ADA2: variants seen among roughly 807,000 people sequenced by gnomAD.
The protein encoded by ADA2 is adenosine deaminase 2, also known as adenosine deaminase CECR1.
In ADA2, 29 loss-of-function variants were observed where a neutral mutation model predicts 44.2. The observed-to-expected ratio is 0.66, with a 90% CI of 0.49 to 0.89. The LOEUF (loss-of-function observed/expected upper bound fraction) is 0.89, where lower values mean the gene tolerates loss of function less well. Ranked by LOEUF, ADA2 falls within the 40% of genes least tolerant of loss-of-function variation. ADA2 has a pLI of 0.00. For synonymous variants in ADA2, 215 were observed against 234.9 expected (o/e 0.92, Z 0.77); for missense variants, 637 against 644.8 (o/e 0.99, Z 0.13).
chr22:17,208,827 A>T (rs1323547840), intron 2 of ADA2, among the ~76,000 whole-genome samples: 2 of 134,136 alleles, frequency 1.5e-5, no homozygotes, highest in African/African-American at 5.6e-5. Flanking sequence ...TTAATAAAAA[A>T]AAAAATTAAC....
intron 1 of ADA2, among the ~76,000 whole-genome samples, chr22:17,211,945 A>T (rs1248702838): frequency 6.9e-6 from 1 of 144,158 alleles, no homozygotes; most frequent in Non-Finnish European, 1.6e-5. Context: ...AGGAAAAAAA[A>T]ATTAATTAAT....
At chr22:17,194,250 G>T (rs1316138171) in intron 4 of ADA2, among the ~76,000 whole-genome samples, 2 of 152,064 alleles carry the variant, frequency 1.3e-5, no homozygotes, top group African/African-American at 2.4e-5. Flanking sequence ...AGGGAGAAAT[G>T]CCCTTCCTCC....
Position 17,181,097 on chromosome 22 carries a change from C to A in ADA2, c.*386G>T. The A allele has an allele frequency of 6.0e-6, 1 of 165,788 alleles. No individual in the cohort carries two copies. The highest frequency in any genetic ancestry group is 1.3e-5 in the Non-Finnish European group (1 of 77,408). 10.3% of individuals were successfully genotyped at this position (165,788 alleles called of 1,614,324 possible). On this transcript the variant is annotated 3_prime_UTR_variant, in exon 10 of 10. Coordinates refer to ENST00000399837, the MANE Select transcript of ADA2 (RefSeq NM_001282225.2). ...AGGTTGCACTGAGCTGAGATCGCAC[C>A]ATTGTACTCCAGCCTGGGCAACAAG... is the stretch of plus-strand genomic sequence containing the variant.
In ADA2 at chr22:17,207,037, G is replaced by T. The variant is rs371074570; in HGVS notation, c.542+34C>A. ...CCTACCCACTGCCACCCCATGACAG[G>T]CCTGGGACATGTGCTTTCTGAACTA... On this transcript the variant is annotated intron_variant, in intron 3 of 9. Coordinates refer to ENST00000399837, the MANE Select transcript of ADA2 (RefSeq NM_001282225.2). 104 of 1,535,422 alleles carry T rather than the reference G, an allele frequency of 6.8e-5. 1 individual carries two copies. The Middle Eastern group carries it at 1.9e-3, about 27-fold the overall frequency.
At chr22:17,218,022 G>A (rs143308127) in intron 1 of ADA2, among the ~76,000 whole-genome samples, 1 of 152,176 alleles carries the variant, frequency 6.6e-6, no homozygotes, top group Non-Finnish European at 1.5e-5. Context: ...AAGGTAACTT[G>A]GACAAGATCA....
intron 1 of ADA2, among the ~76,000 whole-genome samples, chr22:17,210,307 C>CA (rs1330582750): frequency 1.3e-5 from 2 of 151,712 alleles, no homozygotes; most frequent in East Asian, 3.9e-4. Context: ...TCTCCTGCCT[C>CA]AGCCTCCCAA....
intron 4 of ADA2, chr22:17,198,674 A>T (rs1439059864): frequency 1.3e-5 from 2 of 152,148 alleles, no homozygotes; most frequent in Non-Finnish European, 2.9e-5. Context: ...TGTCTCCCAT[A>T]AGCTCTCCCC....
In ADA2 at chr22:17,188,463, G is replaced by T; in HGVS notation, c.973-16C>A. On this transcript the variant is annotated splice_polypyrimidine_tract_variant and intron_variant, in intron 6 of 9. Coordinates refer to ENST00000399837, the MANE Select transcript of ADA2 (RefSeq NM_001282225.2). ...CATGCCCCACCTGCAGGACAGAGAGGGACAGGGAGGTGTCTGCAGGGCGCA... is the reference window on the plus strand; with the variant it reads ...CATGCCCCACCTGCAGGACAGAGAGTGACAGGGAGGTGTCTGCAGGGCGCA... 6.3e-7 allele frequency: 1 copy of T among 1,574,998 alleles called. No individual in the cohort carries two copies.
intron 7 of ADA2, among the ~76,000 whole-genome samples, chr22:17,182,966 T>C (rs371462427): frequency 1.3e-5 from 2 of 152,342 alleles, no homozygotes; most frequent in South Asian, 2.1e-4. Flanking sequence ...TATGGCTTTA[T>C]TAAATTAATC....
At chr22:17,193,031 C>G in intron 4 of ADA2, 1 of 684,846 alleles carries the variant, frequency 1.5e-6, no homozygotes, top group South Asian at 1.5e-5. Context: ...GTATTCACAA[C>G]GGGGTTCATA....
Position 17,181,853 on chromosome 22 carries a change from C to G in ADA2, c.1409G>C (p.Arg470Thr). 2 of 1,613,982 alleles carry G rather than the reference C, an allele frequency of 1.2e-6. No homozygotes were observed. Among genetic ancestry groups the G allele is most frequent in the South Asian group, 2.2e-5 (2 of 91,072 alleles). ...GTTCATGGCCAGCTGTTTGAGGGTC[C>G]TCAGGTCAGCCTTCATCCCCCCAAT... ...MGIGGMKADL[R>T]TLKQLAMNSI... The change falls in exon 9 of 10, where the codon AGG becomes ACG. Residue 470 changes from arginine to threonine, a missense_variant. Arg to Thr is a moderately conservative substitution (Grantham distance 71). Coordinates refer to ENST00000399837, the MANE Select transcript of ADA2 (RefSeq NM_001282225.2).
chr22:17,204,958 G>T (rs1385744214), intron 3 of ADA2, among the ~76,000 whole-genome samples: 1 of 151,532 alleles, frequency 6.6e-6, no homozygotes, highest in Non-Finnish European at 1.5e-5. Flanking sequence ...ACCACATCTG[G>T]TTAATTTTTT....
Position 17,181,821 on chromosome 22 carries a change from T to C in ADA2, c.1441A>G (p.Lys481Glu). The C allele has an allele frequency of 1.9e-6, 3 of 1,612,720 alleles. No homozygotes were observed. Among genetic ancestry groups the C allele is most frequent in the Non-Finnish European group, 2.5e-6 (3 of 1,179,352 alleles). Reference protein sequence around the residue: ...TLKQLAMNSIKYSTLLESEKN... With the variant: ...TLKQLAMNSIEYSTLLESEKN... ...CCTGGGAGGACACAGGACACTCACT[T>C]GATAGAGTTCATGGCCAGCTGTTTG... Residue 481 changes from lysine (K) to glutamate (E), a missense_variant and splice_region_variant, in exon 9 of 10, where the codon AAG (lysine) becomes GAG (glutamate). Transcript: ENST00000399837.
intron 4 of ADA2, among the ~76,000 whole-genome samples, chr22:17,195,282 G>T (rs1314029119): frequency 6.6e-6 from 1 of 152,178 alleles, no homozygotes; most frequent in Non-Finnish European, 1.5e-5. Context: ...ACTTTGGGAG[G>T]CGGAGGCAGA....
intron 4 of ADA2, among the ~76,000 whole-genome samples, chr22:17,195,136 C>T (rs1195650563): frequency 6.6e-6 from 1 of 152,138 alleles, no homozygotes; most frequent in African/African-American, 2.4e-5. Flanking sequence ...AATTTATTAC[C>T]AGTTGTTAAA....
intron 4 of ADA2, chr22:17,193,227 C>T (rs4819973): frequency 0.25 from 270,379 of 1,080,620 alleles, 35,872 homozygotes; most frequent in Middle Eastern, 0.28. Flanking sequence ...CTAAGAACCA[C>T]GAAGCCATCG....
intron 3 of ADA2, among the ~76,000 whole-genome samples, chr22:17,204,589 G>A (rs1437771508): frequency 1.3e-5 from 2 of 150,586 alleles, no homozygotes; most frequent in South Asian, 2.1e-4. Flanking sequence ...CAGCCTGGGC[G>A]ACACAGCAAG....
chr22:17,213,673 T>C, intron 1 of ADA2: 1 of 256,770 alleles, frequency 3.9e-6, no homozygotes. Flanking sequence ...CAGCACGGCC[T>C]GGACAAGTGG....
intron 4 of ADA2, among the ~76,000 whole-genome samples, chr22:17,199,199 G>A (rs1220034131): frequency 1.3e-5 from 2 of 152,070 alleles, no homozygotes; most frequent in African/African-American, 4.8e-5. Flanking sequence ...GGCGGAGACG[G>A]GCAGAGTGAG....
Sources: gnomAD v4.1 joint callset for allele counts (sites outside exome capture counted in the v4.1 genomes callset) on GRCh38, gnomAD v4.1.1 for gene constraint, MANE v1.5 for transcripts, NCBI Gene and HGNC (gene_info 2026-07-23, HGNC 2026-07-21) for gene names.